OR51B5: variants seen among roughly 807,000 people sequenced by gnomAD.
The protein encoded by OR51B5 is olfactory receptor family 51 subfamily B member 5.
For synonymous variants in OR51B5, 186 were observed against 144.8 expected, an observed-to-expected ratio of 1.28 and a Z score of -2.04; for missense variants, 456 against 374.6, an observed-to-expected ratio of 1.22 and a Z score of -1.79.
rs1026962939 is a variant in OR51B5, at chr11:5,390,552, C to A, written n.85-43642G>T. 6.7e-6 allele frequency: 4 copies of A among 598,238 alleles called. No homozygotes were observed. In the Admixed American group the frequency reaches 9.6e-5, roughly 14 times the overall value. The allele number at this position is 598,238 out of a possible 1,614,324, so 37.1% of individuals were successfully genotyped here. ...GCTTTAAAAAACTGAACTTCTCTTG[C>A]TTAGATTTTAATGGCTCCTCCTACA... On this transcript the variant is annotated intron_variant and non_coding_transcript_variant, in intron 1 of 4. Transcript: ENST00000415970.
chr11:5,389,503 C>CA (rs753118333), intron 1 of OR51B5: 2 of 1,614,016 alleles, frequency 1.2e-6, no homozygotes, highest in East Asian at 4.5e-5. Context: ...TGGAAGGCAT[C>CA]AAACACTGGA....
At chr11:5,347,758 G>A (rs1223851225), upstream of OR51B5, among the ~76,000 whole-genome samples, 1 of 152,084 alleles carries the variant, frequency 6.6e-6, no homozygotes, top group African/African-American at 2.4e-5. Context: ...GAAAAAGATG[G>A]AAGGAAGGAG....
intron 1 of OR51B5, among the ~76,000 whole-genome samples, chr11:5,462,882 T>G (rs1433189109): frequency 6.6e-6 from 1 of 152,222 alleles, no homozygotes; most frequent in East Asian, 1.9e-4. Context: ...AGAAACAGCA[T>G]ACAGTGTATG....
intron 1 of OR51B5, chr11:5,390,412 TAAG>T: frequency 1.3e-6 from 2 of 1,514,548 alleles, no homozygotes; most frequent in African/African-American, 1.4e-5. Flanking sequence ...TAGAGGCCTA[TAAG>T]AAGGCCCCAA....
rs758208517 is a variant in OR51B5, at chr11:5,441,207, A to G, written n.84+64362T>C. ...GAAGGAGAAAGTGTGGATGAAGAAC[A>G]TCTGGACCAGGCAAGCATTAAACGC... On this transcript the variant is annotated intron_variant and non_coding_transcript_variant, in intron 1 of 4. Coordinates refer to the OR51B5 transcript ENST00000415970. 83 of 1,613,930 alleles carry G rather than the reference A, an allele frequency of 5.1e-5. No homozygotes were observed. The Admixed American group carries it at 1.3e-3, about 25-fold the overall frequency.
intron 1 of OR51B5, chr11:5,441,028 A>G (rs1850678830): frequency 6.2e-7 from 1 of 1,613,936 alleles, no homozygotes; most frequent in Non-Finnish European, 8.5e-7. Flanking sequence ...TTCACCACAA[A>G]AGGGAAAGGG....
At chr11:5,418,721 C>A (rs1339675501) in intron 1 of OR51B5, among the ~76,000 whole-genome samples, 1 of 151,220 alleles carries the variant, frequency 6.6e-6, no homozygotes, top group Non-Finnish European at 1.5e-5. Context: ...CACACCCGAG[C>A]CTATCGGGGG....
chr11:5,407,467 CTT>C (rs897494423), intron 1 of OR51B5, among the ~76,000 whole-genome samples: 29 of 152,268 alleles, frequency 1.9e-4, no homozygotes, highest in African/African-American at 6.7e-4. Context: ...CTCTATATCT[CTT>C]TGCTCTGCAA....
At chr11:5,352,923 TA>T (rs1332972613) in intron 1 of OR51B5, among the ~76,000 whole-genome samples, 5 of 144,904 alleles carry the variant, frequency 3.5e-5, no homozygotes, top group African/African-American at 1.4e-4. Flanking sequence ...ACCAATTATA[TA>T]TATAATTCTT....
chr11:5,439,452 T>C (rs1850641698), intron 1 of OR51B5, among the ~76,000 whole-genome samples: 1 of 152,318 alleles, frequency 6.6e-6, no homozygotes, highest in Non-Finnish European at 1.5e-5. Flanking sequence ...CAAGACCTTG[T>C]GCCCCAGTGT....
intron 1 of OR51B5, among the ~76,000 whole-genome samples, chr11:5,426,616 G>A (rs185458327): frequency 2.4e-4 from 37 of 151,952 alleles, no homozygotes; most frequent in Admixed American, 1.3e-4. Context: ...GATTAACACC[G>A]CCCTAATACA....
intron 1 of OR51B5, among the ~76,000 whole-genome samples, chr11:5,442,414 GATTTC>G (rs1419063091): frequency 6.6e-6 from 1 of 152,022 alleles, no homozygotes; most frequent in Non-Finnish European, 1.5e-5. Context: ...CCACCTTCAG[GATTTC>G]ATTTCTTGTC....
chr11:5,453,885 G>C (rs781587361), intron 1 of OR51B5: 1 of 1,614,188 alleles, frequency 6.2e-7, no homozygotes, highest in South Asian at 1.1e-5. Flanking sequence ...CTTGCGCTAT[G>C]CAACTGTGCT....
chr11:5,382,693 T>A (rs973451027), intron 1 of OR51B5, among the ~76,000 whole-genome samples: 2 of 152,142 alleles, frequency 1.3e-5, no homozygotes, highest in African/African-American at 4.8e-5. Flanking sequence ...ACCTTCCTCA[T>A]AACTACAATT....
intron 1 of OR51B5, among the ~76,000 whole-genome samples, chr11:5,432,737 G>T (rs1240343457): frequency 6.6e-6 from 1 of 152,150 alleles, no homozygotes; most frequent in Non-Finnish European, 1.5e-5. Context: ...GACCCAGAGA[G>T]AAAAATTGAA....
chr11:5,352,611 C>T (rs185403359), intron 1 of OR51B5, among the ~76,000 whole-genome samples: 73 of 151,934 alleles, frequency 4.8e-4, no homozygotes, highest in Non-Finnish European at 9.6e-4. Flanking sequence ...ATTATTTTAC[C>T]CTGCCTGTCT....
chr11:5,487,252 G>A (rs1851511310), intron 1 of OR51B5, among the ~76,000 whole-genome samples: 1 of 152,134 alleles, frequency 6.6e-6, no homozygotes, highest in Admixed American at 6.5e-5. Flanking sequence ...AGTATATGTT[G>A]TTAAAATATA....
At chr11:5,406,902 C>T (rs1771317898) in intron 1 of OR51B5, among the ~76,000 whole-genome samples, 1 of 151,946 alleles carries the variant, frequency 6.6e-6, no homozygotes, top group Admixed American at 6.6e-5. Context: ...TACAAGGAGA[C>T]AACTGTCAGA....
At chr11:5,505,220 G>T in intron 1 of OR51B5, 1 of 959,602 alleles carries the variant, frequency 1.0e-6, no homozygotes, top group Non-Finnish European at 1.4e-6. Context: ...TCAAATGGAA[G>T]GCAGATAAAT....
Sources: gnomAD v4.1 joint callset for allele counts (sites outside exome capture counted in the v4.1 genomes callset) on GRCh38, gnomAD v4.1.1 for gene constraint, MANE v1.5 for transcripts, NCBI Gene and HGNC (gene_info 2026-07-23, HGNC 2026-07-21) for gene names.